Variants in DYNC2I1 observed in about 807,000 individuals in gnomAD.
The protein encoded by DYNC2I1 is cytoplasmic dynein 2 intermediate chain 1.
In DYNC2I1, 89 loss-of-function variants were observed where a neutral mutation model predicts 133.4. That is an observed-to-expected ratio of 0.67 (90% CI 0.56 to 0.80). The LOEUF (loss-of-function observed/expected upper bound fraction) is 0.80, where lower values mean the gene tolerates loss of function less well. Ranked by LOEUF, DYNC2I1 falls within the 30% of genes least tolerant of loss-of-function variation. The pLI, the probability that DYNC2I1 is intolerant of heterozygous loss-of-function variation, is 0.00. For missense variants in DYNC2I1, 1,291 were observed against 1,314.5 expected, an observed-to-expected ratio of 0.98 and a Z score of 0.28; for synonymous variants, 504 against 484.3, an observed-to-expected ratio of 1.04 and a Z score of -0.54.
intron 1 of DYNC2I1, among the ~76,000 whole-genome samples, chr7:158,860,987 C>G (rs1841824024): frequency 6.6e-6 from 1 of 152,206 alleles, no homozygotes; most frequent in Non-Finnish European, 1.5e-5. Context: ...ACTCTCCATT[C>G]AAAGCCCTGT....
At chr7:158,943,802 A>G (rs1851611680) in intron 24 of DYNC2I1, among the ~76,000 whole-genome samples, 2 of 152,086 alleles carry the variant, frequency 1.3e-5, no homozygotes, top group Admixed American at 1.3e-4. Flanking sequence ...CTCAGCTTCA[A>G]TCTCCAGCTG....
upstream of DYNC2I1, among the ~76,000 whole-genome samples, chr7:158,855,169 A>G (rs1293416254): frequency 6.6e-6 from 1 of 152,216 alleles, no homozygotes; most frequent in African/African-American, 2.4e-5. Context: ...TTTTATTATT[A>G]CTCAAATCCA....
rs10263823 is a variant in DYNC2I1 at position 158,868,851 on chromosome 7, T to C, written c.16-1004T>C. ...GTCCTCATTAGAAAAACTGAGCTGA[T>C]AGCCTTCTTAGTAGGGTTATGAGAT... On this transcript the variant is annotated intron_variant, in intron 1 of 24. Transcript: ENST00000407559. Among the ~76,000 whole-genome samples, 620 of 152,326 alleles carry C rather than the reference T, an allele frequency of 4.1e-3. 11 individuals are homozygous for C. The highest frequency in any genetic ancestry group is 0.014 in the African/African-American group (566 of 41,572).
downstream of DYNC2I1, among the ~76,000 whole-genome samples, chr7:158,949,295 T>A (rs1309719978): frequency 1.3e-5 from 2 of 152,278 alleles, no homozygotes; most frequent in East Asian, 3.8e-4. Context: ...AGTAGGCTTT[T>A]TAAAATAGTT....
chr7:158,880,462 G>T (rs553896068), intron 5 of DYNC2I1, among the ~76,000 whole-genome samples: 185 of 152,200 alleles, frequency 1.2e-3, no homozygotes, highest in Admixed American at 1.9e-3. Context: ...GCTGGAATCT[G>T]GGAAGGAGAA....
At position 158,856,819 on chromosome 7, in the gene DYNC2I1, G is replaced by GCGC. The variant is rs1429671802; in HGVS notation, c.15+80_15+82dup. 4 of 1,225,956 alleles carry GCGC rather than the reference G, an allele frequency of 3.3e-6. No homozygotes were observed. The African/African-American group carries it at 4.7e-5, about 14-fold the overall frequency. 75.9% of individuals were successfully genotyped at this position (1,225,956 alleles called of 1,614,324 possible). Reference sequence around the variant, plus strand: ...CGGACTCCTTCGGGCGCCGCTAGCAGCGCCGCCGCCGCCCTCCCTTTGCGC... The same window carrying GCGC: ...CGGACTCCTTCGGGCGCCGCTAGCAGCGCCGCCGCCGCCGCCCTCCCTTTGCGC... On this transcript the variant is annotated intron_variant, in intron 1 of 24. Transcript: ENST00000407559.
chr7:158,923,155 C>A (rs1445730375), intron 16 of DYNC2I1, among the ~76,000 whole-genome samples: 2 of 152,200 alleles, frequency 1.3e-5, no homozygotes, highest in Admixed American at 6.5e-5. Context: ...TCCCTGGCCT[C>A]AAACCCATTG....
chr7:158,871,578 C>T lies in DYNC2I1; in HGVS notation c.490+16C>T, dbSNP rs2095014491. On this transcript the variant is annotated intron_variant, in intron 3 of 24. Coordinates refer to ENST00000407559, the MANE Select transcript of DYNC2I1 (RefSeq NM_018051.5). ...GGCCGCTCAGGTGGGTCCCCGCTTG[C>T]CTTCCTGTGGTTCCACCCGAGGTGC... The T allele has an allele frequency of 2.6e-6, 4 of 1,514,852 alleles. No homozygotes were observed. Among genetic ancestry groups the T allele is most frequent in the Non-Finnish European group, 3.5e-6 (4 of 1,138,108 alleles). 93.8% of individuals were successfully genotyped at this position (1,514,852 alleles called of 1,614,324 possible).
At chr7:158,866,745 C>T (rs1443619744) in intron 1 of DYNC2I1, among the ~76,000 whole-genome samples, 5 of 151,896 alleles carry the variant, frequency 3.3e-5, no homozygotes, top group East Asian at 3.9e-4. Context: ...CTTAGCCGGG[C>T]GTGGTGGCGG....
chr7:158,912,778 C>A (rs545624570), intron 12 of DYNC2I1, among the ~76,000 whole-genome samples: 1 of 152,126 alleles, frequency 6.6e-6, no homozygotes, highest in African/African-American at 2.4e-5. Context: ...AAAGGGAAAT[C>A]GTTTGGTGAG....
At chr7:158,946,467 C>T (rs1198325836), downstream of DYNC2I1, among the ~76,000 whole-genome samples, 1 of 152,230 alleles carries the variant, frequency 6.6e-6, no homozygotes, top group African/African-American at 2.4e-5. Context: ...CATCAAGGCG[C>T]CCCGTGTTTC....
At chr7:158,933,047 A>G (rs1041531081) in intron 21 of DYNC2I1, among the ~76,000 whole-genome samples, 2 of 152,068 alleles carry the variant, frequency 1.3e-5, no homozygotes, top group African/African-American at 2.4e-5. Flanking sequence ...CAGAAACCCC[A>G]GATGGAGGTA....
intron 1 of DYNC2I1, among the ~76,000 whole-genome samples, chr7:158,862,534 T>C (rs1841950217): frequency 8.2e-6 from 1 of 122,368 alleles, no homozygotes; most frequent in African/African-American, 3.2e-5. Context: ...CTGGGCAACA[T>C]AGCAAGACCC....
At chr7:158,857,342 G>A (rs1584921088) in intron 1 of DYNC2I1, among the ~76,000 whole-genome samples, 1 of 152,146 alleles carries the variant, frequency 6.6e-6, no homozygotes, top group South Asian at 2.1e-4. Flanking sequence ...ACCAGTGCCT[G>A]CTTTCATTAA....
chr7:158,956,960 A>G (rs2129490572), downstream of DYNC2I1, among the ~76,000 whole-genome samples: 1 of 151,908 alleles, frequency 6.6e-6, no homozygotes, highest in Non-Finnish European at 1.5e-5. Flanking sequence ...TGCCGTCCAC[A>G]CTCACCCGGC....
At chr7:158,899,479 C>G (rs1846041275) in intron 8 of DYNC2I1, among the ~76,000 whole-genome samples, 2 of 152,102 alleles carry the variant, frequency 1.3e-5, no homozygotes, top group African/African-American at 4.8e-5. Flanking sequence ...TTTCTTCTTC[C>G]ATCTTTTCTT....
chr7:158,879,006 G>A (rs1044500839), intron 4 of DYNC2I1, among the ~76,000 whole-genome samples: 2 of 151,478 alleles, frequency 1.3e-5, no homozygotes, highest in African/African-American at 4.9e-5. Flanking sequence ...CAGGAGGGCC[G>A]ACTGTGAGTG....
At chr7:158,911,476 C>T (rs1847470347) in intron 11 of DYNC2I1, 74 bp from the exon 12 acceptor site, 3 of 1,507,512 alleles carry the variant, frequency 2.0e-6, no homozygotes, top group Non-Finnish European at 9.0e-7. Context: ...TCTAAGTTTA[C>T]TTCTGTTCTC....
At chr7:158,934,085 T>C (rs1318841568) in intron 21 of DYNC2I1, 44 bp from the exon 22 acceptor site, 5 of 1,341,488 alleles carry the variant, frequency 3.7e-6, no homozygotes, top group Non-Finnish European at 4.2e-6. Context: ...ATTCTTAAGG[T>C]TGGAAACAGT....
Sources: allele counts gnomAD v4.1 joint callset (sites outside exome capture counted in the v4.1 genomes callset), GRCh38; gene constraint gnomAD v4.1.1; transcripts MANE v1.5; gene names NCBI Gene and HGNC (gene_info 2026-07-23, HGNC 2026-07-21).